Variants in NBEA observed in about 807,000 individuals in gnomAD.
The protein encoded by NBEA is lysosomal-trafficking regulator 2.
NBEA carries 44 observed loss-of-function variants against 343.4 expected under a neutral mutation model. That is an observed-to-expected ratio of 0.13 (90% CI 0.10 to 0.16). The LOEUF (loss-of-function observed/expected upper bound fraction) is 0.16. Ranked by LOEUF, NBEA falls within the 10% of genes least tolerant of loss-of-function variation. NBEA has a pLI of 1.00. For missense variants in NBEA, 2,555 were observed against 3,631.3 expected (o/e 0.70, Z 7.62); for synonymous variants, 1,175 against 1,238.7 (o/e 0.95, Z 1.08).
intron 10 of NBEA, among the ~76,000 whole-genome samples, chr13:35,091,866 A>G (rs2065097941): frequency 6.6e-6 from 1 of 152,030 alleles, no homozygotes; most frequent in Non-Finnish European, 1.5e-5. Flanking sequence ...TGGTAGATAC[A>G]TGTAACATAA....
At chr13:35,411,586 A>C (rs1380373509) in intron 38 of NBEA, among the ~76,000 whole-genome samples, 1 of 151,878 alleles carries the variant, frequency 6.6e-6, no homozygotes, top group Admixed American at 6.6e-5. Flanking sequence ...CCTCCTGAAT[A>C]GCTGGGACCA....
At chr13:35,105,185 A>G (rs1219499331) in intron 11 of NBEA, among the ~76,000 whole-genome samples, 5 of 152,004 alleles carry the variant, frequency 3.3e-5, no homozygotes, top group African/African-American at 1.2e-4. Context: ...CTGAAGGGGT[A>G]AAATCTGGAA....
chr13:35,368,154 A>G (rs2041230639), intron 38 of NBEA, among the ~76,000 whole-genome samples: 1 of 151,500 alleles, frequency 6.6e-6, no homozygotes, highest in East Asian at 1.9e-4. Flanking sequence ...AAATATATAA[A>G]TCAATTACTA....
intron 18 of NBEA, among the ~76,000 whole-genome samples, chr13:35,151,058 C>T (rs913559125): frequency 2.1e-4 from 30 of 146,038 alleles, no homozygotes; most frequent in African/African-American, 6.6e-4. Flanking sequence ...GAGGTTGCAG[C>T]GAACTGAGAT....
chr13:35,345,164 A>G (rs976811464), intron 36 of NBEA, among the ~76,000 whole-genome samples: 3 of 152,098 alleles, frequency 2.0e-5, no homozygotes, highest in African/African-American at 7.2e-5. Flanking sequence ...TGATCATCTT[A>G]GTAGGTGCAG....
At chr13:35,115,499 C>T (rs1342157518) in intron 13 of NBEA, among the ~76,000 whole-genome samples, 2 of 151,900 alleles carry the variant, frequency 1.3e-5, no homozygotes, top group Non-Finnish European at 2.9e-5. Context: ...CTTTTCTTTA[C>T]TTGGGTGCTT....
At chr13:34,970,248 T>C (rs1224527126) in intron 1 of NBEA, among the ~76,000 whole-genome samples, 1 of 151,934 alleles carries the variant, frequency 6.6e-6, no homozygotes. Flanking sequence ...GCATTGTTTG[T>C]TTTTTTTCCT....
intron 33 of NBEA, among the ~76,000 whole-genome samples, chr13:35,232,228 C>T (rs540266462): frequency 2.6e-5 from 4 of 152,220 alleles, no homozygotes; most frequent in South Asian, 2.1e-4. Context: ...GCTCATAGAG[C>T]GGTGGACAGT....
chr13:35,340,675 A>C (rs1053701602), intron 36 of NBEA, among the ~76,000 whole-genome samples: 3 of 152,086 alleles, frequency 2.0e-5, no homozygotes, highest in African/African-American at 7.2e-5. Flanking sequence ...ATTTAGCCAA[A>C]GAATGTCAAC....
At chr13:34,961,260 T>G (rs1327173596) in intron 1 of NBEA, among the ~76,000 whole-genome samples, 1 of 152,122 alleles carries the variant, frequency 6.6e-6, no homozygotes, top group East Asian at 1.9e-4. Context: ...ACTCTATTAA[T>G]GTAGCTTATT....
intron 48 of NBEA, among the ~76,000 whole-genome samples, chr13:35,610,378 A>G (rs528598544): frequency 6.6e-6 from 1 of 152,212 alleles, no homozygotes. Flanking sequence ...AGATCGCGCC[A>G]CTGCACTCCA....
chr13:35,577,168 G>T (rs1406830974), intron 45 of NBEA, among the ~76,000 whole-genome samples: 1 of 152,176 alleles, frequency 6.6e-6, no homozygotes, highest in Non-Finnish European at 1.5e-5. Context: ...CCAGATAGTT[G>T]CAGCAAAGTT....
intron 40 of NBEA, among the ~76,000 whole-genome samples, chr13:35,467,993 T>C (rs2075462099): frequency 6.6e-6 from 1 of 152,212 alleles, no homozygotes; most frequent in Non-Finnish European, 1.5e-5. Context: ...ACGTAGTCTT[T>C]GCTGTGCTTT....
intron 1 of NBEA, among the ~76,000 whole-genome samples, chr13:35,033,641 G>A (rs2152551478): frequency 6.6e-6 from 1 of 151,862 alleles, no homozygotes; most frequent in South Asian, 2.1e-4. Flanking sequence ...CCATGAACAT[G>A]GAATATTTTT....
At chr13:35,151,745 G>A (rs188498949) in intron 18 of NBEA, among the ~76,000 whole-genome samples, 5 of 152,004 alleles carry the variant, frequency 3.3e-5, no homozygotes, top group African/African-American at 1.2e-4. Context: ...TAACTTTAAT[G>A]GACCTCTTTT....
intron 31 of NBEA, among the ~76,000 whole-genome samples, chr13:35,198,822 A>T (rs2152743922): frequency 1.3e-5 from 2 of 152,168 alleles, no homozygotes; most frequent in Middle Eastern, 3.4e-3. Flanking sequence ...CTTGCACTGC[A>T]CGTAACTCAA....
At chr13:35,657,644 TC>T (rs1357005128) in intron 55 of NBEA, among the ~76,000 whole-genome samples, 3 of 152,230 alleles carry the variant, frequency 2.0e-5, no homozygotes, top group African/African-American at 7.2e-5. Context: ...TTCACATATT[TC>T]CAAATTGTCT....
chr13:35,396,415 A>G (rs1290897917), intron 38 of NBEA, among the ~76,000 whole-genome samples: 1 of 151,940 alleles, frequency 6.6e-6, no homozygotes, highest in Admixed American at 6.6e-5. Context: ...TTTAATTTAT[A>G]TATTACATTT....
chr13:35,339,358 A>G (rs895353327), intron 36 of NBEA, among the ~76,000 whole-genome samples: 87 of 152,138 alleles, frequency 5.7e-4, no homozygotes, highest in African/African-American at 2.0e-3. Flanking sequence ...TCTATACACC[A>G]GCAATGAACC....
Sources: gnomAD v4.1 joint callset for allele counts (sites outside exome capture counted in the v4.1 genomes callset) on GRCh38, gnomAD v4.1.1 for gene constraint, MANE v1.5 for transcripts, NCBI Gene and HGNC (gene_info 2026-07-23, HGNC 2026-07-21) for gene names.